The following RUNX2 variants were observed in gnomAD, a reference collection of about 807,000 sequenced individuals.
RUNX2 encodes the protein RUNX family transcription factor 2, also known as runt-related transcription factor 2.
Under a neutral mutation model 51.7 loss-of-function variants are expected in RUNX2, and 10 were observed. That is an observed-to-expected ratio of 0.19 (90% CI 0.12 to 0.33). RUNX2 has a LOEUF of 0.33. Ranked by LOEUF, RUNX2 falls within the 10% of genes least tolerant of loss-of-function variation. The probability of loss-of-function intolerance (pLI) is 1.00; values close to 1 mark genes in which losing one functional copy is unlikely to be tolerated. For synonymous variants in RUNX2, 276 were observed against 273.6 expected (o/e 1.01, Z -0.09); for missense variants, 562 against 691.3 (o/e 0.81, Z 2.10).
At chr6:45,470,338 C>T (rs1315999243) in intron 5 of RUNX2, among the ~76,000 whole-genome samples, 2 of 152,152 alleles carry the variant, frequency 1.3e-5, no homozygotes, top group Non-Finnish European at 2.9e-5. Context: ...ATTTGAGCCT[C>T]GCCCAGAGCC....
At chr6:45,512,120 T>C (rs772971689) in intron 6 of RUNX2, 126 bp from the exon 7 acceptor site, 41 of 765,220 alleles carry the variant, frequency 5.4e-5, no homozygotes, top group Non-Finnish European at 8.2e-5. Flanking sequence ...TTATATATTA[T>C]ATATATATAA....
chr6:45,381,699 G>A (rs1464224328), intron 2 of RUNX2, among the ~76,000 whole-genome samples: 1 of 152,166 alleles, frequency 6.6e-6, no homozygotes, highest in Non-Finnish European at 1.5e-5. Flanking sequence ...AAAGTGCTGG[G>A]ATTACAGGAG....
intron 2 of RUNX2, among the ~76,000 whole-genome samples, chr6:45,362,857 GC>G (rs1408979199): frequency 6.6e-6 from 1 of 151,924 alleles, no homozygotes; most frequent in African/African-American, 2.4e-5. Flanking sequence ...TTTTAAAATG[GC>G]CCAAGGTCCA....
chr6:45,373,456 T>C (rs1297427910), intron 2 of RUNX2, among the ~76,000 whole-genome samples: 1 of 152,066 alleles, frequency 6.6e-6, no homozygotes, highest in Non-Finnish European at 1.5e-5. Context: ...ATGTTGGTTC[T>C]CCCTTAGCAG....
intron 2 of RUNX2, among the ~76,000 whole-genome samples, chr6:45,340,740 T>C (rs1418604198): frequency 6.6e-6 from 1 of 152,108 alleles, no homozygotes; most frequent in Non-Finnish European, 1.5e-5. Flanking sequence ...GATATAAAAA[T>C]ATAATTTAGG....
intron 6 of RUNX2, among the ~76,000 whole-genome samples, chr6:45,500,718 T>C (rs1008505448): frequency 2.0e-5 from 3 of 152,176 alleles, no homozygotes; most frequent in African/African-American, 7.2e-5. Context: ...CAGCTGAAGG[T>C]AGAGGTCATG....
intron 2 of RUNX2, among the ~76,000 whole-genome samples, chr6:45,366,694 AAGTTG>A (rs1461840659): frequency 3.3e-5 from 5 of 152,150 alleles, no homozygotes; most frequent in Non-Finnish European, 5.9e-5. Context: ...GCTTCTTTAT[AAGTTG>A]AGTTTTCACT....
chr6:45,472,780 A>AT (rs934434360), intron 5 of RUNX2, among the ~76,000 whole-genome samples: 28 of 151,902 alleles, frequency 1.8e-4, no homozygotes, highest in African/African-American at 5.3e-4. Flanking sequence ...AGAAACTGTA[A>AT]TTTTTTTTGC....
rs759395776 is a variant in RUNX2 at position 45,422,708 on chromosome 6, ACAG to A, written c.192_194del (p.Gln71del). On this transcript the variant is annotated inframe_deletion, in exon 3 of 9. Transcript: ENST00000647337. Reference sequence around the variant, plus strand: ...AGCAGCAGCAACAGCAGCAGCAGCAACAGCAGCAGCAGCAGCAGCAACAGCAGC... The same window carrying A: ...AGCAGCAGCAACAGCAGCAGCAGCAACAGCAGCAGCAGCAGCAACAGCAGC... 633 of 1,565,980 alleles carry A rather than the reference ACAG, an allele frequency of 4.0e-4. No homozygotes were observed. Among genetic ancestry groups the A allele is most frequent in the East Asian group, 1.4e-3 (57 of 41,844 alleles).
chr6:45,431,586 A>G (rs774029141), intron 3 of RUNX2, among the ~76,000 whole-genome samples: 5 of 152,176 alleles, frequency 3.3e-5, no homozygotes, highest in Non-Finnish European at 7.3e-5. Flanking sequence ...ACAGCTTAAC[A>G]TGGGGATTTA....
chr6:45,484,769 A>C (rs910068725), intron 5 of RUNX2, among the ~76,000 whole-genome samples: 2 of 152,226 alleles, frequency 1.3e-5, no homozygotes, highest in African/African-American at 4.8e-5. Context: ...AAAATTAGTC[A>C]ACCTGTTCCC....
At chr6:45,356,786 C>G (rs140344847) in intron 2 of RUNX2, among the ~76,000 whole-genome samples, 4 of 152,150 alleles carry the variant, frequency 2.6e-5, no homozygotes, top group African/African-American at 4.8e-5. Context: ...CTTTGGCAAA[C>G]TTAACTATCA....
At chr6:45,421,477 G>C (rs1369473488) in intron 2 of RUNX2, 1 of 152,128 alleles carries the variant, frequency 6.6e-6, no homozygotes, top group Non-Finnish European at 1.5e-5. Flanking sequence ...CTTGGGAGTC[G>C]CTCAGACAGA....
intron 2 of RUNX2, among the ~76,000 whole-genome samples, chr6:45,413,833 G>A (rs1798006126): frequency 6.6e-6 from 1 of 152,234 alleles, no homozygotes; most frequent in Middle Eastern, 3.4e-3. Flanking sequence ...AAGCAAGGAA[G>A]CCTGAAATCA....
In RUNX2 at chr6:45,441,586, G is replaced by A. The variant is rs188771611; in HGVS notation, c.685+3535G>A. The stretch of plus-strand genomic sequence containing the variant: ...ACATCAATTTTCTTTAGTGTCAGAC[G>A]TTGGCTGTAGAGTTTTGCTTATGGT... On this transcript the variant is annotated intron_variant, in intron 5 of 8. Transcript: ENST00000647337. Among the ~76,000 whole-genome samples, 13 of 152,288 alleles carry A rather than the reference G, an allele frequency of 8.5e-5. No homozygotes were observed. The East Asian group carries it at 2.5e-3, about 29-fold the overall frequency.
chr6:45,496,682 T>C (rs962961945), intron 6 of RUNX2, among the ~76,000 whole-genome samples: 1 of 152,182 alleles, frequency 6.6e-6, no homozygotes, highest in Non-Finnish European at 1.5e-5. Context: ...TTAGTTCTGA[T>C]TGTAGTGGGC....
chr6:45,548,617 A>C lies in RUNX2; in HGVS notation c.*1312A>C, dbSNP rs1177706038. On this transcript the variant is annotated 3_prime_UTR_variant, in exon 9 of 9. Coordinates refer to ENST00000647337, the MANE Select transcript of RUNX2 (RefSeq NM_001024630.4). The stretch of plus-strand genomic sequence containing the variant: ...CTCTTGTCATATTAAAAAGACAAGC[A>C]CAAGTAAATCATTGAACTACAGAAA... 6.5e-6 allele frequency: 1 copy of C among 152,800 alleles called. No individual in the cohort carries two copies. The highest frequency in any genetic ancestry group is 1.5e-5 in the Non-Finnish European group (1 of 68,114). 9.5% of individuals were successfully genotyped at this position (152,800 alleles called of 1,614,324 possible).
chr6:45,476,654 C>A (rs1410950020), intron 5 of RUNX2, among the ~76,000 whole-genome samples: 1 of 152,152 alleles, frequency 6.6e-6, no homozygotes, highest in Non-Finnish European at 1.5e-5. Context: ...ACTCAGAAGA[C>A]ACTGTGCATG....
intron 2 of RUNX2, among the ~76,000 whole-genome samples, chr6:45,402,584 C>T (rs927393931): frequency 6.6e-6 from 1 of 152,118 alleles, no homozygotes; most frequent in Non-Finnish European, 1.5e-5. Flanking sequence ...ACTTAAATAT[C>T]AGCTGGGCAC....
Sources: allele counts gnomAD v4.1 joint callset (sites outside exome capture counted in the v4.1 genomes callset), GRCh38; gene constraint gnomAD v4.1.1; transcripts MANE v1.5; gene names NCBI Gene and HGNC (gene_info 2026-07-23, HGNC 2026-07-21).